The following SEMA3C variants were observed in gnomAD, a reference collection of about 807,000 sequenced individuals.
The protein encoded by SEMA3C is semaphorin 3C.
Under a neutral mutation model 89.4 loss-of-function variants are expected in SEMA3C, and 47 were observed. The ratio of observed to expected loss-of-function variants is 0.53; its 90% CI spans 0.42 to 0.67. The LOEUF (loss-of-function observed/expected upper bound fraction) is 0.67. Ranked by LOEUF, SEMA3C falls within the 30% of genes least tolerant of loss-of-function variation. The pLI, the probability that SEMA3C is intolerant of heterozygous loss-of-function variation, is 0.00. For synonymous variants in SEMA3C, 310 were observed against 320.2 expected, an observed-to-expected ratio of 0.97 and a Z score of 0.34; for missense variants, 839 against 929.1, an observed-to-expected ratio of 0.90 and a Z score of 1.26.
intron 2 of SEMA3C, among the ~76,000 whole-genome samples, chr7:80,863,633 T>C (rs1790828589): frequency 6.7e-6 from 1 of 150,358 alleles, no homozygotes; most frequent in Admixed American, 6.6e-5. Flanking sequence ...AACGAGTAGA[T>C]AAAGAAACTG....
chr7:80,831,012 C>T (rs565245728), intron 2 of SEMA3C, among the ~76,000 whole-genome samples: 1 of 152,268 alleles, frequency 6.6e-6, no homozygotes, highest in Admixed American at 6.5e-5. Context: ...GTCTAAAATC[C>T]AGGTGTTTTA....
intron 2 of SEMA3C, among the ~76,000 whole-genome samples, chr7:80,863,839 A>ATG (rs1790845439): frequency 8.7e-6 from 1 of 114,362 alleles, no homozygotes; most frequent in African/African-American, 4.5e-5. Flanking sequence ...TGTGATATAT[A>ATG]TATCACATAT....
chr7:80,837,837 G>A (rs948992698), intron 2 of SEMA3C, among the ~76,000 whole-genome samples: 2 of 152,154 alleles, frequency 1.3e-5, no homozygotes, highest in South Asian at 2.1e-4. Flanking sequence ...TCTCTTGAAG[G>A]CTGCCTGGAA....
intron 6 of SEMA3C, among the ~76,000 whole-genome samples, chr7:80,809,858 G>T (rs1286264722): frequency 2.0e-5 from 3 of 152,070 alleles, no homozygotes; most frequent in African/African-American, 4.8e-5. Context: ...GCCAGGCACA[G>T]AAAGACAAAT....
chr7:80,818,620 G>T (rs1186299848), intron 4 of SEMA3C, among the ~76,000 whole-genome samples: 1 of 152,012 alleles, frequency 6.6e-6, no homozygotes. Context: ...CATAAAATAC[G>T]CTAACACTAA....
At chr7:80,855,673 G>C (rs1790620537) in intron 2 of SEMA3C, among the ~76,000 whole-genome samples, 1 of 152,174 alleles carries the variant, frequency 6.6e-6, no homozygotes, top group Non-Finnish European at 1.5e-5. Context: ...GGCAGTCTGA[G>C]TTCAGAATCT....
chr7:80,765,737 T>G (rs537164441), intron 12 of SEMA3C, among the ~76,000 whole-genome samples: 5 of 151,968 alleles, frequency 3.3e-5, no homozygotes, highest in Non-Finnish European at 7.4e-5. Flanking sequence ...CCACCACGCC[T>G]GGCTAATTTT....
At chr7:80,805,616 A>G in intron 7 of SEMA3C, 23 bp downstream of exon 7, 5 of 1,579,806 alleles carry the variant, frequency 3.2e-6, no homozygotes, top group Non-Finnish European at 4.3e-6. Context: ...ACTAAAAAAT[A>G]AATGCATCAA....
chr7:80,782,074 A>C (rs931947759), intron 12 of SEMA3C, among the ~76,000 whole-genome samples: 2 of 152,188 alleles, frequency 1.3e-5, no homozygotes, highest in Non-Finnish European at 2.9e-5. Context: ...CCCAATTTAA[A>C]ACAAATTTTA....
Position 80,750,473 on chromosome 7 carries a change from T to TATACACAC in SEMA3C, c.1711+795_1711+796insGTGTGTAT, listed in dbSNP as rs869227686. On this transcript the variant is annotated intron_variant, in intron 16 of 17. Transcript: ENST00000265361. ...ATATATATATATATATATATATATA[T>TATACACAC]ACACACACACACACACACACACACA... 4.2e-3 allele frequency among the ~76,000 whole-genome samples: 235 copies of TATACACAC among 55,310 alleles called. 1 individual carries two copies. Among genetic ancestry groups the TATACACAC allele is most frequent in the Middle Eastern group, 0.023 (2 of 86 alleles). The allele number at this position is 55,310 out of a possible 152,430, so 36.3% of individuals were successfully genotyped here. A position where few individuals can be genotyped will look rare whatever the true frequency, so the allele number is the denominator to read the frequency against.
At chr7:80,912,332 G>A (rs114414247) in intron 2 of SEMA3C, among the ~76,000 whole-genome samples, 1 of 152,048 alleles carries the variant, frequency 6.6e-6, no homozygotes, top group Admixed American at 6.6e-5. Flanking sequence ...TTGATTACCA[G>A]AGCCCTATAT....
At chr7:80,900,773 A>T (rs1280357937) in intron 2 of SEMA3C, among the ~76,000 whole-genome samples, 3 of 152,242 alleles carry the variant, frequency 2.0e-5, no homozygotes, top group Non-Finnish European at 2.9e-5. Context: ...CAGACTAAAA[A>T]GTAACTCTAT....
intron 2 of SEMA3C, among the ~76,000 whole-genome samples, chr7:80,867,390 C>T (rs747468148): frequency 2.0e-5 from 3 of 152,084 alleles, no homozygotes; most frequent in Non-Finnish European, 2.9e-5. Flanking sequence ...CATGAGCCAC[C>T]ACTCTCGGCC....
At chr7:80,883,226 C>G (rs1216686425) in intron 2 of SEMA3C, among the ~76,000 whole-genome samples, 1 of 152,118 alleles carries the variant, frequency 6.6e-6, no homozygotes, top group South Asian at 2.1e-4. Context: ...ACCAAATCAA[C>G]AGCCTCCTTC....
Position 80,855,068 on chromosome 7 carries a change from G to T in SEMA3C, c.104-26323C>A, listed in dbSNP as rs915451430. Among the ~76,000 whole-genome samples the T allele has an allele frequency of 3.9e-5, 6 of 152,146 alleles. No homozygotes were observed. In the South Asian group the frequency reaches 1.2e-3, roughly 32 times the overall value. Reference sequence around the variant, plus strand: ...CAATATAATAATCTTATATTCATAAGCAATATTTCTCTAAGCCCTTTCCAT... The same window carrying T: ...CAATATAATAATCTTATATTCATAATCAATATTTCTCTAAGCCCTTTCCAT... On this transcript the variant is annotated intron_variant, in intron 2 of 17. Transcript: ENST00000265361.
intron 12 of SEMA3C, among the ~76,000 whole-genome samples, chr7:80,784,685 A>T (rs7810829): frequency 6.6e-6 from 1 of 152,138 alleles, no homozygotes; most frequent in South Asian, 2.1e-4. Flanking sequence ...CAACTAATCA[A>T]CTCTGCTTCT....
At position 80,807,913 on chromosome 7, in the gene SEMA3C, T is replaced by TA. The variant is rs150968512; in HGVS notation, c.539-2156dup. 9.3e-3 allele frequency among the ~76,000 whole-genome samples: 1,420 copies of TA among 152,302 alleles called. 30 individuals carry two copies. The highest frequency in any genetic ancestry group is 0.033 in the African/African-American group (1,365 of 41,570). On this transcript the variant is annotated intron_variant, in intron 6 of 17. Coordinates refer to ENST00000265361, the MANE Select transcript of SEMA3C (RefSeq NM_006379.5). The stretch of plus-strand genomic sequence containing the variant: ...TGAGAGGGATAATCAATTGGATGAA[T>TA]AAAATGATAACTACAATCTTATAAA...
chr7:80,789,300 A>G lies in SEMA3C; in HGVS notation c.1354+6T>C. The G allele has an allele frequency of 6.2e-7, 1 of 1,610,202 alleles. No individual in the cohort carries two copies. On this transcript the variant is annotated splice_donor_region_variant and intron_variant, in intron 12 of 17. Transcript: ENST00000265361. ...ATTAAAGCATATCTTGGGCTCAAAT[A>G]TTTACCTGTTCCGAGAAACAGGACA...
At chr7:80,811,461 T>C (rs1789467438) in intron 5 of SEMA3C, among the ~76,000 whole-genome samples, 2 of 152,126 alleles carry the variant, frequency 1.3e-5, no homozygotes, top group East Asian at 3.8e-4. Context: ...TCAATGGTTT[T>C]AGCCTCACCA....
Sources: gnomAD v4.1 joint callset for allele counts (sites outside exome capture counted in the v4.1 genomes callset) on GRCh38, gnomAD v4.1.1 for gene constraint, MANE v1.5 for transcripts, NCBI Gene and HGNC (gene_info 2026-07-23, HGNC 2026-07-21) for gene names.